Variants in ZNF142 observed in about 807,000 individuals in gnomAD.
ZNF142 encodes the protein zinc finger protein 142, also known as zinc finger protein 142 (clone pHZ-49).
ZNF142 carries 96 observed loss-of-function variants against 132.1 expected under a neutral mutation model. The observed-to-expected ratio is 0.73, with a 90% CI of 0.62 to 0.86. The LOEUF (loss-of-function observed/expected upper bound fraction) is 0.86, where lower values mean the gene tolerates loss of function less well. ZNF142 is among the 40% of genes least tolerant of loss of function. The pLI is 0.00. For missense variants in ZNF142, 2,163 were observed against 2,336.2 expected, an observed-to-expected ratio of 0.93 and a Z score of 1.53; for synonymous variants, 842 against 890.1, an observed-to-expected ratio of 0.95 and a Z score of 0.96.
rs370198136 is a variant in ZNF142 at position 218,634,594 on chromosome 2, C to T, written c.*3745G>A. 6.8e-6 allele frequency: 11 copies of T among 1,613,898 alleles called. No homozygotes were observed. The highest frequency in any genetic ancestry group is 1.7e-5 in the Admixed American group (1 of 60,002). On this transcript the variant is annotated 3_prime_UTR_variant, in exon 11 of 11. Transcript: ENST00000411696. The surrounding 1 kb of genome is among the most constrained non-coding windows in gnomAD (Gnocchi z 4.0). ...AGAGTTCTTTCCACCCTGAGAAGCC[C>T]ATCAGCCCTTTCAAAGCCCAGACTC...
chr2:218,633,878 T>A lies in ZNF142; in HGVS notation c.*4461A>T. ...GGTAGCTAAGGAGAGATGAAGGAGT[T>A]CAGAAACTCCTTAGAGCAGACAAGG... On this transcript the variant is annotated 3_prime_UTR_variant, in exon 11 of 11. Coordinates refer to ENST00000411696, the MANE Select transcript of ZNF142 (RefSeq NM_001379659.1). The A allele has an allele frequency of 7.7e-5, 85 of 1,109,180 alleles. No individual in the cohort carries two copies. Among genetic ancestry groups the A allele is most frequent in the Non-Finnish European group, 1.1e-4 (82 of 754,560 alleles). The allele number at this position is 1,109,180 out of a possible 1,614,324, so 68.7% of individuals were successfully genotyped here. A position where few individuals can be genotyped will look rare whatever the true frequency, so the allele number is the denominator to read the frequency against.
chr2:218,656,970 C>A (rs894040958), intron 3 of ZNF142, among the ~76,000 whole-genome samples: 5 of 152,066 alleles, frequency 3.3e-5, no homozygotes, highest in Non-Finnish European at 5.9e-5. Flanking sequence ...GCATGTGCCA[C>A]ACACGCCCAG....
At chr2:218,640,531 C>G (rs2106195122) in intron 10 of ZNF142, 133 bp downstream of exon 10, 1 of 759,384 alleles carries the variant, frequency 1.3e-6, no homozygotes, top group South Asian at 1.7e-5. Context: ...GCACATACAA[C>G]CCCACCCTGC....
chr2:218,650,112 G>A (rs1386069686), intron 6 of ZNF142, among the ~76,000 whole-genome samples: 1 of 152,198 alleles, frequency 6.6e-6, no homozygotes, highest in South Asian at 2.1e-4. Flanking sequence ...CCCTGCTAGA[G>A]TTTTCTGCCT....
intron 3 of ZNF142, among the ~76,000 whole-genome samples, chr2:218,658,487 G>A (rs1938846201): frequency 6.6e-6 from 1 of 152,058 alleles, no homozygotes; most frequent in Admixed American, 6.5e-5. Flanking sequence ...GTTGCAGTGA[G>A]CCGAGATCGC....
chr2:218,645,639 C>T (rs1254501342), intron 8 of ZNF142, among the ~76,000 whole-genome samples: 1 of 152,232 alleles, frequency 6.6e-6, no homozygotes, highest in Non-Finnish European at 1.5e-5. Flanking sequence ...TAGGTCTATA[C>T]TCCCTTCCCA....
intron 10 of ZNF142, among the ~76,000 whole-genome samples, chr2:218,639,619 C>G (rs1433760603): frequency 6.7e-6 from 1 of 150,340 alleles, no homozygotes; most frequent in Non-Finnish European, 1.5e-5. Context: ...GTAGACCCAG[C>G]TAATTGGGAG....
chr2:218,643,882 T>C lies in ZNF142; in HGVS notation c.3234A>G (p.Gln1078=), dbSNP rs532812519. The C allele has an allele frequency of 1.1e-5, 18 of 1,614,070 alleles. No individual in the cohort carries two copies. In the South Asian group the frequency reaches 1.6e-4, roughly 15 times the overall value. ...CPECGASFKQ[Q]RGLSTHLLKK... is the part of the protein sequence containing the mutation. ...TCAGCAGGTGGGTGCTGAGGCCGCG[T>C]TGTTGCTTGAAGCTAGCCCCACACT... The change falls in exon 9 of 11, where the codon CAA becomes CAG. Residue 1078 remains glutamine (Q), a synonymous_variant. Coordinates refer to ENST00000411696, the MANE Select transcript of ZNF142 (RefSeq NM_001379659.1).
chr2:218,651,197 G>T (rs546045350), intron 5 of ZNF142, among the ~76,000 whole-genome samples: 3 of 152,214 alleles, frequency 2.0e-5, no homozygotes, highest in East Asian at 3.9e-4. Context: ...GCCCAGGCTG[G>T]TCTTGAACTC....
At position 218,644,570 on chromosome 2, in the gene ZNF142, T is replaced by C. The variant is rs751688307; in HGVS notation, c.2546A>G (p.Asp849Gly). 4 of 1,614,082 alleles carry C rather than the reference T, an allele frequency of 2.5e-6. No individual in the cohort carries two copies. Among genetic ancestry groups the C allele is most frequent in the East Asian group, 4.5e-5 (2 of 44,884 alleles). The change falls in exon 9 of 11, where the codon GAC becomes GGC. Residue 849 changes from aspartate to glycine, a missense_variant. Transcript: ENST00000411696. The surrounding 1 kb of genome is among the most constrained non-coding windows in gnomAD (Gnocchi z 4.6). ...TGGCAGGGCCTGGTCCAAGCTGGGGTCCACCACAGTCCCAGGTTCGTGACC... is the reference window on the plus strand; with the variant it reads ...TGGCAGGGCCTGGTCCAAGCTGGGGCCCACCACAGTCCCAGGTTCGTGACC... Reference protein sequence around the residue: ...GPGHEPGTVVDPSLDQALPEM... With the variant: ...GPGHEPGTVVGPSLDQALPEM...
chr2:218,648,618 G>A lies in ZNF142; in HGVS notation c.1873+17C>T. The A allele has an allele frequency of 6.2e-7, 1 of 1,604,514 alleles. No individual in the cohort carries two copies. Among genetic ancestry groups the A allele is most frequent in the South Asian group, 1.1e-5 (1 of 90,652 alleles). ...ATCATTATTACAACATTATTTTAAG[G>A]ATGGAAACCATCCTACCCGTATGTA... On this transcript the variant is annotated intron_variant, in intron 7 of 10. Coordinates refer to ENST00000411696, the MANE Select transcript of ZNF142 (RefSeq NM_001379659.1).
rs1249872988 is a variant in ZNF142, at chr2:218,656,301, G to C, written c.129C>G (p.Pro43=). Residue 43 remains proline, a synonymous_variant, in exon 4 of 11, where the codon CCC becomes CCG. Transcript: ENST00000411696. The stretch of plus-strand genomic sequence containing the variant: ...TAGGTGCAGGGTCCCGGGAAGGACA[G>C]GGGCTCTGGACAGGCCCCAGGATTC... ...NRGILGPVQS[P]CPSRDPAPIP... 1 of 1,611,942 alleles carries C rather than the reference G, an allele frequency of 6.2e-7. No homozygotes were observed. Among genetic ancestry groups the C allele is most frequent in the Non-Finnish European group, 8.5e-7 (1 of 1,178,878 alleles).
Position 218,643,426 on chromosome 2 carries a change from G to A in ZNF142, c.3690C>T (p.Ser1230=). The A allele has an allele frequency of 6.2e-7, 1 of 1,614,252 alleles. No individual in the cohort carries two copies. Among genetic ancestry groups the A allele is most frequent in the Non-Finnish European group, 8.5e-7 (1 of 1,180,044 alleles). ...AGAGCCGGGAACAAAGGAATGGGCAGGAGTTGCAGTGAAACTTGCCCTGCT... is the reference window on the plus strand; with the variant it reads ...AGAGCCGGGAACAAAGGAATGGGCAAGAGTTGCAGTGAAACTTGCCCTGCT... ...RFEQGKFHCN[S]CPFLCSRLSS... The change falls in exon 9 of 11, where the codon TCC becomes TCT. Residue 1230 remains serine (S), a synonymous_variant. Transcript: ENST00000411696.
Position 218,643,538 on chromosome 2 carries a change from G to A in ZNF142, c.3578C>T (p.Thr1193Met), listed in dbSNP as rs199618335. 2.1e-5 allele frequency: 34 copies of A among 1,610,268 alleles called. No individual in the cohort carries two copies. The South Asian group carries it at 2.4e-4, about 11-fold the overall frequency. ...PVPPAGNSSP[T>M]EAPKKHHLDP... ...AAGGTGGTGCTTCTTAGGGGCCTCCGTGGGTGAGGAGTTTCCTGCAGGAGG... is the reference window on the plus strand; with the variant it reads ...AAGGTGGTGCTTCTTAGGGGCCTCCATGGGTGAGGAGTTTCCTGCAGGAGG... The change falls in exon 9 of 11, where the codon ACG becomes ATG. Residue 1193 changes from threonine to methionine, a missense_variant. Coordinates refer to ENST00000411696, the MANE Select transcript of ZNF142 (RefSeq NM_001379659.1).
rs770325210 is a variant in ZNF142 at position 218,638,337 on chromosome 2, T to G, written c.*2A>C. On this transcript the variant is annotated 3_prime_UTR_variant, in exon 11 of 11. Coordinates refer to ENST00000411696, the MANE Select transcript of ZNF142 (RefSeq NM_001379659.1). ...TTCCTATACAGGAGGTGGGGCAGGC[T>G]TTCAGCCCTCAGGTCCAGTGTGGGG... 1 of 1,511,716 alleles carries G rather than the reference T, an allele frequency of 6.6e-7. No individual in the cohort carries two copies. Among genetic ancestry groups the G allele is most frequent in the Non-Finnish European group, 8.8e-7 (1 of 1,130,360 alleles). The allele number at this position is 1,511,716 out of a possible 1,614,324, so 93.6% of individuals were successfully genotyped here.
Position 218,643,293 on chromosome 2 carries a change from C to G in ZNF142, c.3823G>C (p.Asp1275His). The change falls in exon 9 of 11, where the codon GAC (aspartate) becomes CAC (histidine). Residue 1275 changes from aspartate to histidine, a missense_variant. This residue lies in a region of ZNF142 where 809 missense variants were observed against 801.7 expected (regional missense o/e 1.01). Transcript: ENST00000411696. ...QPDVSPLSNG[D>H]SAPPKNGSTE... Reference sequence around the variant, plus strand: ...CTCCCATTCTTCGGGGGAGCAGAGTCCCCATTGCTCAACGGGGACACATCA... The same window carrying G: ...CTCCCATTCTTCGGGGGAGCAGAGTGCCCATTGCTCAACGGGGACACATCA... 6.2e-7 allele frequency: 1 copy of G among 1,614,200 alleles called. No individual in the cohort carries two copies. The highest frequency in any genetic ancestry group is 8.5e-7 in the Non-Finnish European group (1 of 1,180,034).
rs1938077446 is a variant in ZNF142 at position 218,652,248 on chromosome 2, G to C, written c.333C>G (p.Ser111Arg). 1 of 456,836 alleles carries C rather than the reference G, an allele frequency of 2.2e-6. No individual in the cohort carries two copies. The highest frequency in any genetic ancestry group is 4.4e-6 in the Non-Finnish European group (1 of 227,032). The allele number at this position is 456,836 out of a possible 1,614,324, so 28.3% of individuals were successfully genotyped here. A position where few individuals can be genotyped will look rare whatever the true frequency, so the allele number is the denominator to read the frequency against. ...EVYFCERCEQ[S>R]FAEPTLLALH... Reference sequence around the variant, plus strand: ...GGGCCAGCAGAGTGGGCTCTGCGAAGCTCTGTTCACAGCGCTCACAGAAGT... The same window carrying C: ...GGGCCAGCAGAGTGGGCTCTGCGAACCTCTGTTCACAGCGCTCACAGAAGT... The change falls in exon 5 of 11, where the codon AGC becomes AGG. Residue 111 changes from serine to arginine, a missense_variant. Coordinates refer to ENST00000411696, the MANE Select transcript of ZNF142 (RefSeq NM_001379659.1).
At chr2:218,657,013 T>A (rs1938576379) in intron 3 of ZNF142, among the ~76,000 whole-genome samples, 1 of 152,166 alleles carries the variant, frequency 6.6e-6, no homozygotes, top group Admixed American at 6.5e-5. Context: ...CGATGGAGTT[T>A]CACCATGTTG....
chr2:218,658,366 C>T (rs962297874), intron 3 of ZNF142, among the ~76,000 whole-genome samples: 1 of 152,162 alleles, frequency 6.6e-6, no homozygotes, highest in Middle Eastern at 3.4e-3. Context: ...ATTGTGAAAC[C>T]CTGTTTCTAC....
Sources: allele counts gnomAD v4.1 joint callset (sites outside exome capture counted in the v4.1 genomes callset), GRCh38; gene constraint gnomAD v4.1.1; regional missense constraint gnomAD v4.1.1; non-coding constraint Gnocchi (gnomAD v3.1); transcripts MANE v1.5; gene names NCBI Gene and HGNC (gene_info 2026-07-23, HGNC 2026-07-21).